HIPK3: variants seen among roughly 807,000 people sequenced by gnomAD.
HIPK3 encodes homeodomain-interacting protein kinase 3.
Under a neutral mutation model 124.2 loss-of-function variants are expected in HIPK3, and 47 were observed. The observed-to-expected ratio is 0.38, with a 90% CI of 0.30 to 0.48. HIPK3 has a LOEUF of 0.48. Among genes scored for constraint, HIPK3 ranks in the 20% least tolerant of loss-of-function variants. The pLI, the probability that HIPK3 is intolerant of heterozygous loss-of-function variation, is 0.98. For synonymous variants in HIPK3, 482 were observed against 515.2 expected, an observed-to-expected ratio of 0.94 and a Z score of 0.87; for missense variants, 1,286 against 1,454.3, an observed-to-expected ratio of 0.88 and a Z score of 1.88.
intron 1 of HIPK3, among the ~76,000 whole-genome samples, chr11:33,281,029 G>C (rs1851397871): frequency 1.4e-5 from 2 of 139,208 alleles, no homozygotes; most frequent in Non-Finnish European, 3.1e-5. Flanking sequence ...TTTCTGATTA[G>C]AGTTTTATGT....
chr11:33,286,340 G>GA (rs1331863008), intron 1 of HIPK3, 73 bp from the exon 2 acceptor site: 795 of 1,267,572 alleles, frequency 6.3e-4, no homozygotes, highest in Middle Eastern at 8.3e-4. Flanking sequence ...ATTTAAAATT[G>GA]AAAAAAAAAT....
intron 1 of HIPK3, among the ~76,000 whole-genome samples, chr11:33,268,530 G>T (rs1260483544): frequency 7.0e-6 from 1 of 142,454 alleles, no homozygotes; most frequent in Non-Finnish European, 1.5e-5. Context: ...GTTAGAGGCT[G>T]CAGTGAGCTA....
At chr11:33,261,320 A>G (rs956321136) in intron 1 of HIPK3, among the ~76,000 whole-genome samples, 5 of 151,816 alleles carry the variant, frequency 3.3e-5, no homozygotes, top group Admixed American at 1.3e-4. Context: ...CTCAGGGACT[A>G]AGCCTAGTGC....
chr11:33,313,590 T>G (rs1361551030), intron 2 of HIPK3, among the ~76,000 whole-genome samples: 1 of 152,158 alleles, frequency 6.6e-6, no homozygotes, highest in Non-Finnish European at 1.5e-5. Context: ...AGGGGTATTA[T>G]CAGAATTGTG....
chr11:33,302,371 CTG>C (rs1006036859), intron 2 of HIPK3, among the ~76,000 whole-genome samples: 1 of 96,394 alleles, frequency 1.0e-5, no homozygotes, highest in African/African-American at 3.6e-5. Context: ...AGGAGTCTGA[CTG>C]TTTCCCAGGC....
intron 1 of HIPK3, among the ~76,000 whole-genome samples, chr11:33,261,725 A>C (rs1208300339): frequency 2.0e-5 from 3 of 152,174 alleles, no homozygotes; most frequent in Admixed American, 6.5e-5. Flanking sequence ...ATTTCTTTGG[A>C]TATATACCCA....
intron 1 of HIPK3, among the ~76,000 whole-genome samples, chr11:33,279,314 CTCTT>C (rs1476266542): frequency 9.6e-6 from 1 of 104,146 alleles, no homozygotes; most frequent in East Asian, 3.0e-4. Context: ...CAGAGGGAGA[CTCTT>C]TGTCTCAAAA....
In HIPK3 at chr11:33,311,910, T is replaced by TACACACACAC. The variant is rs71034671; in HGVS notation, c.1098-16583_1098-16574dup. Among the ~76,000 whole-genome samples the TACACACACAC allele has an allele frequency of 2.4e-3, 280 of 114,366 alleles. 10 individuals carry two copies. The highest frequency in any genetic ancestry group is 3.4e-3 in the Non-Finnish European group (191 of 56,732). 75.0% of individuals were successfully genotyped at this position (114,366 alleles called of 152,430 possible). ...GGGCAACATAGCAAGACCCTGTTTC[T>TACACACACAC]ACACACACACACACACACACACACA... On this transcript the variant is annotated intron_variant, in intron 2 of 16. Transcript: ENST00000303296.
intron 2 of HIPK3, among the ~76,000 whole-genome samples, chr11:33,293,779 G>A (rs182991852): frequency 2.0e-4 from 31 of 152,266 alleles, no homozygotes; most frequent in Non-Finnish European, 7.4e-5. Flanking sequence ...AATGTAAAGT[G>A]TGGTGCTTGG....
At chr11:33,316,747 C>G (rs893329971) in intron 2 of HIPK3, among the ~76,000 whole-genome samples, 1 of 152,122 alleles carries the variant, frequency 6.6e-6, no homozygotes, top group African/African-American at 2.4e-5. Flanking sequence ...TTGCCAGACC[C>G]TGGAGGTTGA....
In HIPK3 at chr11:33,348,274, T is replaced by C. The variant is rs370745504; in HGVS notation, c.2369+46T>C. The C allele has an allele frequency of 5.2e-6, 8 of 1,530,134 alleles. No homozygotes were observed. In the African/African-American group the frequency reaches 8.2e-5, roughly 16 times the overall value. 94.8% of individuals were successfully genotyped at this position (1,530,134 alleles called of 1,614,324 possible). ...CTTTTGATTTATTATCTACCTGTAA[T>C]GTAGCAATTGTGGACATTCAGATAG... On this transcript the variant is annotated intron_variant, in intron 12 of 16. Transcript: ENST00000303296.
At chr11:33,270,976 A>T (rs979355076) in intron 1 of HIPK3, among the ~76,000 whole-genome samples, 2 of 152,194 alleles carry the variant, frequency 1.3e-5, no homozygotes, top group African/African-American at 4.8e-5. Flanking sequence ...TGATTGCTAT[A>T]CTGAAATTTA....
chr11:33,354,595 G>T lies in HIPK3; in HGVS notation c.*1027G>T, dbSNP rs1565103255. 1 of 152,378 alleles carries T rather than the reference G, an allele frequency of 6.6e-6. No homozygotes were observed. 9.4% of individuals were successfully genotyped at this position (152,378 alleles called of 1,614,324 possible). ...CATGATGTGGTTTTATCTTAGCTTG[G>T]GCAAACCATGCAGTATTTAATAAAT... On this transcript the variant is annotated 3_prime_UTR_variant, in exon 17 of 17. Transcript: ENST00000303296.
chr11:33,258,558 G>A, intron 1 of HIPK3: 1 of 985,500 alleles, frequency 1.0e-6, no homozygotes, highest in Non-Finnish European at 1.2e-6. Context: ...GCCGCGCGGC[G>A]GGGCTGTTGC....
Position 33,341,586 on chromosome 11 carries a change from A to G in HIPK3, c.1797A>G (p.Ser599=). ...RSQALTTSAH[S]VVHHGIPLQA... Reference sequence around the variant, plus strand: ...AGGCATTGACCACATCTGCTCATTCAGTTGTGCACCATGGAATACCTCTGC... The same window carrying G: ...AGGCATTGACCACATCTGCTCATTCGGTTGTGCACCATGGAATACCTCTGC... The change falls in exon 8 of 17, where the codon TCA becomes TCG. Residue 599 remains serine, a synonymous_variant. Coordinates refer to ENST00000303296, the MANE Select transcript of HIPK3 (RefSeq NM_005734.5). 6.2e-7 allele frequency: 1 copy of G among 1,612,070 alleles called. No homozygotes were observed. Among genetic ancestry groups the G allele is most frequent in the Non-Finnish European group, 8.5e-7 (1 of 1,179,132 alleles).
intron 1 of HIPK3, among the ~76,000 whole-genome samples, chr11:33,277,180 CCCTT>C (rs376295087): frequency 2.8e-4 from 42 of 151,856 alleles, no homozygotes; most frequent in African/African-American, 9.2e-4. Flanking sequence ...AATTTGAGGT[CCCTT>C]CCTTCTCTTT....
At chr11:33,273,326 A>G (rs1414901191) in intron 1 of HIPK3, among the ~76,000 whole-genome samples, 1 of 151,974 alleles carries the variant, frequency 6.6e-6, no homozygotes, top group Non-Finnish European at 1.5e-5. Context: ...AACACGGTGA[A>G]ACCCCGTCTG....
chr11:33,355,633 C>T lies in HIPK3; in HGVS notation c.*2065C>T, dbSNP rs528993873. 2.6e-5 allele frequency: 4 copies of T among 151,972 alleles called. No individual in the cohort carries two copies. In the South Asian group the frequency reaches 8.3e-4, roughly 32 times the overall value. 9.4% of individuals were successfully genotyped at this position (151,972 alleles called of 1,614,324 possible). A position where few individuals can be genotyped will look rare whatever the true frequency, so the allele number is the denominator to read the frequency against. ...TAATAATGGATAAGTTTTCTTCACTCCATTAACACAAGCAGTGTTTTATTT... is the reference window on the plus strand; with the variant it reads ...TAATAATGGATAAGTTTTCTTCACTTCATTAACACAAGCAGTGTTTTATTT... On this transcript the variant is annotated 3_prime_UTR_variant, in exon 17 of 17. Transcript: ENST00000303296.
chr11:33,275,005 A>G (rs887139662), intron 1 of HIPK3, among the ~76,000 whole-genome samples: 7 of 152,284 alleles, frequency 4.6e-5, no homozygotes, highest in Admixed American at 4.6e-4. Flanking sequence ...TAAGTTTTAC[A>G]ATGTATGGTG....
Sources: gnomAD v4.1 joint callset for allele counts (sites outside exome capture counted in the v4.1 genomes callset) on GRCh38, gnomAD v4.1.1 for gene constraint, MANE v1.5 for transcripts, NCBI Gene and HGNC (gene_info 2026-07-23, HGNC 2026-07-21) for gene names.